RPAP2: variants seen among roughly 807,000 people sequenced by gnomAD.
RPAP2 encodes the protein putative RNA polymerase II subunit B1 CTD phosphatase RPAP2.
A neutral mutation model predicts 73.1 loss-of-function variants in RPAP2; 52 were observed. The observed-to-expected ratio is 0.71, with a 90% CI of 0.57 to 0.90. The LOEUF is 0.90. RPAP2 is among the 40% of genes least tolerant of loss of function. RPAP2 has a pLI of 0.00. For synonymous variants in RPAP2, 225 were observed against 242.1 expected (o/e 0.93, Z 0.65); for missense variants, 598 against 701.8 (o/e 0.85, Z 1.67).
At chr1:92,300,334 T>A in intron 2 of RPAP2, 95 bp downstream of exon 2, 1 of 927,176 alleles carries the variant, frequency 1.1e-6, no homozygotes, top group Non-Finnish European at 1.7e-6. Flanking sequence ...TTTTTTTTTT[T>A]AGAGAAAATT....
At chr1:92,322,343 G>C (rs918047135) in intron 7 of RPAP2, among the ~76,000 whole-genome samples, 6 of 150,738 alleles carry the variant, frequency 4.0e-5, no homozygotes, top group African/African-American at 1.5e-4. Flanking sequence ...TCGGGAGTTT[G>C]AGACCAGCCT....
chr1:92,323,081 A>ATCTTTATATT, intron 7 of RPAP2, among the ~76,000 whole-genome samples: 1 of 146,382 alleles, frequency 6.8e-6, no homozygotes, highest in Non-Finnish European at 1.5e-5. Flanking sequence ...ATATTTATAT[A>ATCTTTATATT]TATATATATA....
At chr1:92,321,689 T>C (rs1652274063) in intron 7 of RPAP2, among the ~76,000 whole-genome samples, 1 of 152,102 alleles carries the variant, frequency 6.6e-6, no homozygotes, top group East Asian at 1.9e-4. Context: ...GGAAAACTTT[T>C]GTCTTTTATT....
chr1:92,381,625 A>G (rs1322031951), intron 12 of RPAP2, among the ~76,000 whole-genome samples: 1 of 151,022 alleles, frequency 6.6e-6, no homozygotes, highest in African/African-American at 2.4e-5. Context: ...AAATTATAAA[A>G]GCAATACAGA....
At position 92,399,380 on chromosome 1, in the gene RPAP2, T is replaced by G. The variant is rs1557642457; in HGVS notation, c.*12369T>G. On this transcript the variant is annotated 3_prime_UTR_variant, in exon 13 of 13. Coordinates refer to ENST00000610020, the MANE Select transcript of RPAP2 (RefSeq NM_024813.3). The stretch of plus-strand genomic sequence containing the variant: ...ATTAAAGAAAGTGGAAGCTGGTTCT[T>G]TTCTGGGTGACCCTTCACCCAACCA... The G allele has an allele frequency of 6.6e-6, 1 of 152,126 alleles. No individual in the cohort carries two copies. The highest frequency in any genetic ancestry group is 1.5e-5 in the Non-Finnish European group (1 of 68,024). The allele number at this position is 152,126 out of a possible 1,614,324, so 9.4% of individuals were successfully genotyped here.
intron 8 of RPAP2, among the ~76,000 whole-genome samples, chr1:92,327,478 C>T (rs558386043): frequency 2.3e-4 from 35 of 152,310 alleles, no homozygotes; most frequent in African/African-American, 5.3e-4. Context: ...AGAATAGCTA[C>T]TTCTCACTTT....
intron 3 of RPAP2, among the ~76,000 whole-genome samples, chr1:92,302,320 G>A (rs6689366): frequency 0.48 from 71,044 of 147,942 alleles, 17,938 homozygotes; most frequent in East Asian, 0.96. Context: ...AGAAAAATGA[G>A]GATGGGGGAG....
intron 8 of RPAP2, among the ~76,000 whole-genome samples, chr1:92,328,474 T>C (rs11578400): frequency 0.26 from 39,495 of 152,116 alleles, 6,515 homozygotes; most frequent in Non-Finnish European, 0.35. Context: ...TCTCTAAGTA[T>C]GTCCTTCATT....
At position 92,393,427 on chromosome 1, in the gene RPAP2, A is replaced by G. The variant is rs1656105072; in HGVS notation, c.*6416A>G. 1 of 152,242 alleles carries G rather than the reference A, an allele frequency of 6.6e-6. No homozygotes were observed. The highest frequency in any genetic ancestry group is 6.5e-5 in the Admixed American group (1 of 15,276). 9.4% of individuals were successfully genotyped at this position (152,242 alleles called of 1,614,324 possible). On this transcript the variant is annotated 3_prime_UTR_variant, in exon 13 of 13. Transcript: ENST00000610020. ...ATTCAGGACATAGGCATGGGCAAAGACTTCATGTCTAAAACACCAAAAGCA... is the reference window on the plus strand; with the variant it reads ...ATTCAGGACATAGGCATGGGCAAAGGCTTCATGTCTAAAACACCAAAAGCA...
intron 8 of RPAP2, among the ~76,000 whole-genome samples, chr1:92,327,090 T>C (rs888699146): frequency 4.6e-5 from 7 of 152,248 alleles, no homozygotes; most frequent in Non-Finnish European, 1.0e-4. Flanking sequence ...GGTAGAATGT[T>C]CTGTAAATAT....
chr1:92,306,598 A>C (rs1488178319), intron 5 of RPAP2, among the ~76,000 whole-genome samples: 1 of 152,156 alleles, frequency 6.6e-6, no homozygotes, highest in Non-Finnish European at 1.5e-5. Context: ...ACGGTGGCTC[A>C]CACCTATAAT....
At chr1:92,319,536 G>C (rs1022770566) in intron 6 of RPAP2, among the ~76,000 whole-genome samples, 2 of 152,188 alleles carry the variant, frequency 1.3e-5, no homozygotes, top group African/African-American at 4.8e-5. Context: ...GAAGGCTGAG[G>C]TGGGGGCAGT....
chr1:92,370,300 A>G (rs969831571), intron 11 of RPAP2, among the ~76,000 whole-genome samples: 3 of 152,224 alleles, frequency 2.0e-5, no homozygotes, highest in African/African-American at 7.2e-5. Context: ...TAAGAAAATG[A>G]TAAGCTAGAA....
At chr1:92,301,360 T>A (rs1024988750) in intron 2 of RPAP2, 116 bp from the exon 3 acceptor site, 26 of 412,324 alleles carry the variant, frequency 6.3e-5, no homozygotes, top group Admixed American at 4.3e-4. Context: ...AAAAATTTTT[T>A]AAATATATTT....
rs201155919 is a variant in RPAP2, at chr1:92,380,714, G to A, written c.1689-10G>A. 1,434 of 1,549,468 alleles carry A rather than the reference G, an allele frequency of 9.3e-4. 3 individuals are homozygous for A. The highest frequency in any genetic ancestry group is 2.3e-3 in the South Asian group (181 of 80,400). ...CATGGATATGCATTTAGTATTTTTGGTTGTTTCAGACTGACCCCAATTCTT... is the reference window on the plus strand; with the variant it reads ...CATGGATATGCATTTAGTATTTTTGATTGTTTCAGACTGACCCCAATTCTT... On this transcript the variant is annotated splice_polypyrimidine_tract_variant and intron_variant, in intron 11 of 12. Transcript: ENST00000610020.
intron 11 of RPAP2, among the ~76,000 whole-genome samples, chr1:92,366,643 G>C (rs562029277): frequency 5.3e-5 from 8 of 152,300 alleles, no homozygotes; most frequent in Non-Finnish European, 1.0e-4. Flanking sequence ...GGCAGAGAAA[G>C]AGTTAATATT....
rs1402738894 is a variant in RPAP2 at position 92,380,815 on chromosome 1, A to G, written c.1780A>G (p.Lys594Glu). 1.9e-6 allele frequency: 3 copies of G among 1,607,750 alleles called. No individual in the cohort carries two copies. The highest frequency in any genetic ancestry group is 1.3e-5 in the African/African-American group (1 of 74,456). Reference protein sequence around the residue: ...LDTLLEELHLKNEDLESLTII... With the variant: ...LDTLLEELHLENEDLESLTII... ...CACCCTCCTTGAAGAATTACATCTA[A>G]AAAATGAAGACCTTGAAAGTCTAAC... The change falls in exon 12 of 13, where the codon AAA (lysine) becomes GAA (glutamate). Residue 594 changes from lysine to glutamate, a missense_variant. Coordinates refer to ENST00000610020, the MANE Select transcript of RPAP2 (RefSeq NM_024813.3).
chr1:92,310,831 A>C (rs1422168075), intron 6 of RPAP2, among the ~76,000 whole-genome samples: 1 of 152,024 alleles, frequency 6.6e-6, no homozygotes, highest in Admixed American at 6.6e-5. Context: ...TGGGAGGCAG[A>C]GGTTGCAGTG....
At chr1:92,316,185 G>GCTAA (rs1470690218) in intron 6 of RPAP2, among the ~76,000 whole-genome samples, 1 of 152,142 alleles carries the variant, frequency 6.6e-6, no homozygotes, top group East Asian at 1.9e-4. Context: ...TGCTGACAGA[G>GCTAA]CTAAAAGCGC....
Sources: allele counts gnomAD v4.1 joint callset (sites outside exome capture counted in the v4.1 genomes callset), GRCh38; gene constraint gnomAD v4.1.1; transcripts MANE v1.5; gene names NCBI Gene and HGNC (gene_info 2026-07-23, HGNC 2026-07-21).